UBR2: variants seen among roughly 807,000 people sequenced by gnomAD.
UBR2 encodes E3 ubiquitin-protein ligase UBR2.
Under a neutral mutation model 247.9 loss-of-function variants are expected in UBR2, and 92 were observed. The observed-to-expected ratio is 0.37, with a 90% CI of 0.31 to 0.44. The LOEUF (loss-of-function observed/expected upper bound fraction) is 0.44, where lower values mean the gene tolerates loss of function less well. UBR2 is among the 20% of genes least tolerant of loss of function. UBR2 has a pLI of 1.00. For missense variants in UBR2, 1,613 were observed against 2,112.6 expected, an observed-to-expected ratio of 0.76 and a Z score of 4.64; for synonymous variants, 672 against 693.5, an observed-to-expected ratio of 0.97 and a Z score of 0.49.
rs1799741567 is a variant in UBR2 at position 42,691,375 on chromosome 6, A to G, written c.*202A>G. On this transcript the variant is annotated 3_prime_UTR_variant, in exon 47 of 47. Coordinates refer to ENST00000372901, the MANE Select transcript of UBR2 (RefSeq NM_001363705.2). ...GCACTGTTTGCTGTGCCCCTCAAATATAATGTCTTGGGTTTTAAGATCGAG... is the reference window on the plus strand; with the variant it reads ...GCACTGTTTGCTGTGCCCCTCAAATGTAATGTCTTGGGTTTTAAGATCGAG... 1 of 664,454 alleles carries G rather than the reference A, an allele frequency of 1.5e-6. No individual in the cohort carries two copies. Among genetic ancestry groups the G allele is most frequent in the South Asian group, 2.0e-5 (1 of 50,738 alleles). 41.2% of individuals were successfully genotyped at this position (664,454 alleles called of 1,614,324 possible). A position where few individuals can be genotyped will look rare whatever the true frequency, so the allele number is the denominator to read the frequency against.
At chr6:42,646,820 T>TATAG (rs1554258074) in intron 21 of UBR2, among the ~76,000 whole-genome samples, 14 of 146,632 alleles carry the variant, frequency 9.5e-5, no homozygotes, top group African/African-American at 3.1e-4. Flanking sequence ...TATATATATA[T>TATAG]AGAGAGAGAG....
intron 1 of UBR2, among the ~76,000 whole-genome samples, chr6:42,571,722 G>A (rs1374696577): frequency 1.5e-5 from 2 of 130,412 alleles, no homozygotes; most frequent in Non-Finnish European, 3.1e-5. Context: ...CAGCCTGGGC[G>A]ACAGCACGAG....
intron 6 of UBR2, among the ~76,000 whole-genome samples, chr6:42,606,200 G>C (rs576401757): frequency 6.6e-5 from 10 of 151,228 alleles, no homozygotes; most frequent in Non-Finnish European, 1.2e-4. Flanking sequence ...CCGAGATTGC[G>C]CCATTGCACT....
Position 42,652,546 on chromosome 6 carries a change from C to A in UBR2, c.2670C>A (p.Asn890Lys), listed in dbSNP as rs1797184515. The A allele has an allele frequency of 6.8e-6, 11 of 1,613,458 alleles. No individual in the cohort carries two copies. Among genetic ancestry groups the A allele is most frequent in the Non-Finnish European group, 9.3e-6 (11 of 1,179,908 alleles). ...GCCCTCTGTTTGCAAGCCTGGTTAA[C>A]ATTTTGCAGTCAGATGTCATGTTGT... ...PFCPLFASLV[N>K]ILQSDVMLCI... Residue 890 changes from asparagine to lysine, a missense_variant, in exon 25 of 47, where the codon AAC (asparagine) becomes AAA (lysine). This residue lies in a region of UBR2 where 1,524 missense variants were observed against 1,967.3 expected (regional missense o/e 0.77). Coordinates refer to ENST00000372901, the MANE Select transcript of UBR2 (RefSeq NM_001363705.2).
chr6:42,619,147 C>T (rs1045307002), intron 11 of UBR2, among the ~76,000 whole-genome samples: 1 of 151,812 alleles, frequency 6.6e-6, no homozygotes. Context: ...CATTTGATAG[C>T]TTAAATCTCC....
intron 25 of UBR2, 132 bp downstream of exon 25, chr6:42,652,777 T>C (rs1362035453): frequency 5.9e-6 from 5 of 847,106 alleles, no homozygotes; most frequent in Non-Finnish European, 8.9e-6. Flanking sequence ...ATATTGTTAC[T>C]GCTTTTGTGT....
At chr6:42,569,196 G>A (rs1446553592) in intron 1 of UBR2, among the ~76,000 whole-genome samples, 2 of 152,210 alleles carry the variant, frequency 1.3e-5, no homozygotes, top group Non-Finnish European at 2.9e-5. Flanking sequence ...ACCTAGAAGT[G>A]AAATTGGTGG....
At chr6:42,662,749 A>G (rs1797887187) in intron 31 of UBR2, among the ~76,000 whole-genome samples, 2 of 152,132 alleles carry the variant, frequency 1.3e-5, no homozygotes, top group Non-Finnish European at 2.9e-5. Flanking sequence ...CAATAATACT[A>G]TTATTCTAGA....
At chr6:42,582,260 G>T (rs1204789673) in intron 2 of UBR2, among the ~76,000 whole-genome samples, 1 of 142,506 alleles carries the variant, frequency 7.0e-6, no homozygotes, top group Non-Finnish European at 1.5e-5. Context: ...TCCAGCCTGG[G>T]CAACAGGGCG....
At chr6:42,576,522 CTTTTTTTTTTTTTTT>C (rs58739895) in intron 2 of UBR2, among the ~76,000 whole-genome samples, 2 of 86,134 alleles carry the variant, frequency 2.3e-5, no homozygotes, top group African/African-American at 4.7e-5. Context: ...GCCTTTCCCT[CTTTTTTTTTTTTTTT>C]TTTTTTTTTT....
intron 2 of UBR2, among the ~76,000 whole-genome samples, chr6:42,586,538 C>CTTTTTTTTTTTTTTTTTTTTTTTT (rs147830824): frequency 7.2e-5 from 7 of 97,256 alleles, no homozygotes; most frequent in Admixed American, 1.2e-4. Flanking sequence ...GTTTGTCTCT[C>CTTTTTTTTTTTTTTTTTTTTTTTT]TTTTTTTTTT....
At chr6:42,680,435 A>G (rs1442407091) in intron 42 of UBR2, among the ~76,000 whole-genome samples, 3 of 152,106 alleles carry the variant, frequency 2.0e-5, no homozygotes, top group Non-Finnish European at 4.4e-5. Flanking sequence ...ACTCTCTTCC[A>G]TAGGTTTTTT....
chr6:42,605,840 C>T lies in UBR2; in HGVS notation c.782C>T (p.Ala261Val). The T allele has an allele frequency of 6.2e-7, 1 of 1,608,348 alleles. No individual in the cohort carries two copies. The highest frequency in any genetic ancestry group is 8.5e-7 in the Non-Finnish European group (1 of 1,178,336). Reference protein sequence around the residue: ...NCTQKEAIGFATTVDRDGRRS... With the variant: ...NCTQKEAIGFVTTVDRDGRRS... ...ACACAAAAAGAAGCTATTGGTTTTGCAACTACAGTAGATCGAGATGTAAGT... is the reference window on the plus strand; with the variant it reads ...ACACAAAAAGAAGCTATTGGTTTTGTAACTACAGTAGATCGAGATGTAAGT... Residue 261 changes from alanine to valine, a missense_variant, in exon 6 of 47, where the codon GCA becomes GTA. Transcript: ENST00000372901.
chr6:42,679,930 G>C (rs1798934451), intron 42 of UBR2, 98 bp downstream of exon 42: 2 of 727,154 alleles, frequency 2.8e-6, no homozygotes, highest in Non-Finnish European at 4.4e-6. Context: ...AATGACCCTG[G>C]TAGAATTCAA....
chr6:42,639,898 G>T (rs763853289), intron 15 of UBR2, among the ~76,000 whole-genome samples: 1 of 151,908 alleles, frequency 6.6e-6, no homozygotes, highest in Non-Finnish European at 1.5e-5. Context: ...TGTGGTGGCG[G>T]GTGCCTGTGG....
chr6:42,661,073 C>T (rs1342752486), intron 30 of UBR2, among the ~76,000 whole-genome samples: 1 of 151,282 alleles, frequency 6.6e-6, no homozygotes, highest in Non-Finnish European at 1.5e-5. Context: ...GCAGGCAGAT[C>T]ACAAGGTCAG....
chr6:42,655,335 G>A (rs945090663), intron 25 of UBR2, among the ~76,000 whole-genome samples: 18 of 151,692 alleles, frequency 1.2e-4, no homozygotes, highest in African/African-American at 4.1e-4. Flanking sequence ...AAAATTAGCC[G>A]GGTGTGGTGG....
In UBR2 at chr6:42,564,315, A is replaced by G. The variant is rs1435881201; in HGVS notation, c.-5A>G. 1 of 1,608,784 alleles carries G rather than the reference A, an allele frequency of 6.2e-7. No homozygotes were observed. Among genetic ancestry groups the G allele is most frequent in the East Asian group, 2.2e-5 (1 of 44,550 alleles). ...CGGTAGCGCTGGGGAGGAGGAGGAGAGAAGATGGCGTCGGAGCTAGAGCCA... is the reference window on the plus strand; with the variant it reads ...CGGTAGCGCTGGGGAGGAGGAGGAGGGAAGATGGCGTCGGAGCTAGAGCCA... On this transcript the variant is annotated 5_prime_UTR_variant, in exon 1 of 47. Transcript: ENST00000372901.
At chr6:42,640,343 C>G in intron 16 of UBR2, 73 bp downstream of exon 16, 1 of 1,379,810 alleles carries the variant, frequency 7.2e-7, no homozygotes, top group Non-Finnish European at 1.0e-6. Context: ...CTTTGAAACA[C>G]ATTTTTAGTT....
Sources: gnomAD v4.1 joint callset for allele counts (sites outside exome capture counted in the v4.1 genomes callset) on GRCh38, gnomAD v4.1.1 for gene constraint, gnomAD v4.1.1 regional missense constraint, MANE v1.5 for transcripts, NCBI Gene and HGNC (gene_info 2026-07-23, HGNC 2026-07-21) for gene names.